The following IPP variants were observed in gnomAD, a reference collection of about 807,000 sequenced individuals.
The protein encoded by IPP is actin-binding protein IPP.
IPP carries 41 observed loss-of-function variants against 64.1 expected under a neutral mutation model. That is an observed-to-expected ratio of 0.64 (90% CI 0.50 to 0.83). IPP has a LOEUF of 0.83. IPP is among the 40% of genes least tolerant of loss of function. IPP has a pLI of 0.00. For missense variants in IPP, 649 were observed against 703.0 expected (o/e 0.92, Z 0.87); for synonymous variants, 214 against 235.2 (o/e 0.91, Z 0.83).
intron 5 of IPP, among the ~76,000 whole-genome samples, chr1:45,724,391 C>T (rs1484403252): frequency 7.4e-5 from 11 of 148,826 alleles, no homozygotes; most frequent in East Asian, 2.0e-4. Context: ...AGCCTCTGCC[C>T]GGCCGCCACC....
At chr1:45,725,505 G>T (rs1645810457) in intron 5 of IPP, among the ~76,000 whole-genome samples, 2 of 140,114 alleles carry the variant, frequency 1.4e-5, no homozygotes, top group African/African-American at 2.6e-5. Context: ...CCCCATCCGG[G>T]AGGTGAGGGG....
rs1328044700 is a variant in IPP, at chr1:45,729,779, T to C, written c.725-10A>G. On this transcript the variant is annotated splice_polypyrimidine_tract_variant and intron_variant, in intron 3 of 8. Transcript: ENST00000396478. Reference sequence around the variant, plus strand: ...TTAAAATCGGATACTCCTAAAACAATATTTAAAAAGACAATGTTTTAAACA... The same window carrying C: ...TTAAAATCGGATACTCCTAAAACAACATTTAAAAAGACAATGTTTTAAACA... 5 of 1,486,404 alleles carry C rather than the reference T, an allele frequency of 3.4e-6. No individual in the cohort carries two copies. Among genetic ancestry groups the C allele is most frequent in the Non-Finnish European group, 3.6e-6 (4 of 1,098,766 alleles). 92.1% of individuals were successfully genotyped at this position (1,486,404 alleles called of 1,614,324 possible).
At chr1:45,731,165 G>T (rs891031888) in intron 3 of IPP, among the ~76,000 whole-genome samples, 4 of 152,262 alleles carry the variant, frequency 2.6e-5, no homozygotes, top group African/African-American at 9.6e-5. Context: ...GCAAGGGCCA[G>T]CACAGTGCCT....
Position 45,742,322 on chromosome 1 carries a change from A to T in IPP, c.293-990T>A, listed in dbSNP as rs561062290. On this transcript the variant is annotated intron_variant, in intron 2 of 8. Transcript: ENST00000396478. ...TCTACATACCAAGCCCCCAAGACAC[A>T]CAATTTACCCATGGAACAAACCCGC... Among the ~76,000 whole-genome samples, 3 of 152,260 alleles carry T rather than the reference A, an allele frequency of 2.0e-5. No individual in the cohort carries two copies. In the East Asian group the frequency reaches 5.8e-4, roughly 29 times the overall value.
chr1:45,706,046 G>T (rs1645508645), intron 8 of IPP, among the ~76,000 whole-genome samples: 1 of 152,116 alleles, frequency 6.6e-6, no homozygotes, highest in South Asian at 2.1e-4. Flanking sequence ...GTCTTTGACT[G>T]AATACTACTA....
intron 5 of IPP, among the ~76,000 whole-genome samples, chr1:45,722,235 CAG>C (rs1645743038): frequency 6.6e-6 from 1 of 151,958 alleles, no homozygotes; most frequent in South Asian, 2.1e-4. Context: ...GCCTGGGTGA[CAG>C]AGTGAGACTC....
At chr1:45,723,126 T>C (rs980010799) in intron 5 of IPP, among the ~76,000 whole-genome samples, 4 of 152,174 alleles carry the variant, frequency 2.6e-5, no homozygotes, top group Admixed American at 2.6e-4. Context: ...GTGAATTATA[T>C]CTTAATTTAA....
chr1:45,711,858 C>A (rs980807364), intron 8 of IPP, among the ~76,000 whole-genome samples: 7 of 151,892 alleles, frequency 4.6e-5, no homozygotes, highest in Admixed American at 4.6e-4. Flanking sequence ...GGGTACGCAT[C>A]TAATAATGGA....
chr1:45,729,078 A>T (rs1387568447), intron 4 of IPP, among the ~76,000 whole-genome samples: 1 of 150,988 alleles, frequency 6.6e-6, no homozygotes, highest in Non-Finnish European at 1.5e-5. Context: ...CCCAGGAGGC[A>T]GAGATTGCAG....
intron 1 of IPP, among the ~76,000 whole-genome samples, chr1:45,747,114 A>ACGAGCGCGCGCATGCGCGCGCC (rs1646146247): frequency 6.7e-6 from 1 of 149,960 alleles, no homozygotes; most frequent in African/African-American, 2.4e-5. Context: ...ATGCGCGCGC[A>ACGAGCGCGCGCATGCGCGCGCC]CACGAGCGCG....
intron 2 of IPP, among the ~76,000 whole-genome samples, chr1:45,745,732 G>A (rs562426314): frequency 1.3e-4 from 20 of 151,988 alleles, no homozygotes; most frequent in African/African-American, 3.4e-4. Context: ...CAGGTGTGGT[G>A]GCATGCGCCT....
chr1:45,701,906 G>A (rs1323883025), intron 8 of IPP, among the ~76,000 whole-genome samples: 1 of 152,092 alleles, frequency 6.6e-6, no homozygotes, highest in Non-Finnish European at 1.5e-5. Context: ...ACTTAAATAA[G>A]ATTATGAAAT....
At position 45,727,589 on chromosome 1, in the gene IPP, CCAA is replaced by C; in HGVS notation, c.1048+39_1048+41del. ...AATCATAAAGCATATTAGAATATAG[CCAA>C]CAAGACTAATTAAGAAAATAAGACA... On this transcript the variant is annotated intron_variant, in intron 5 of 8. Transcript: ENST00000396478. 4 of 1,282,118 alleles carry C rather than the reference CCAA, an allele frequency of 3.1e-6. No individual in the cohort carries two copies. In the South Asian group the frequency reaches 7.6e-5, roughly 24 times the overall value. 79.4% of individuals were successfully genotyped at this position (1,282,118 alleles called of 1,614,324 possible).
intron 1 of IPP, among the ~76,000 whole-genome samples, chr1:45,746,912 T>C (rs1388844011): frequency 1.3e-5 from 2 of 152,192 alleles, no homozygotes; most frequent in Admixed American, 1.3e-4. Context: ...CCTTCGGGAT[T>C]CTTGTTATAA....
chr1:45,729,126 A>T (rs771949235), intron 4 of IPP, among the ~76,000 whole-genome samples: 24 of 148,758 alleles, frequency 1.6e-4, no homozygotes, highest in Non-Finnish European at 3.3e-4. Flanking sequence ...AGCCTGGGAG[A>T]CAGAGTAAGA....
At chr1:45,726,370 A>C (rs1277230946) in intron 5 of IPP, among the ~76,000 whole-genome samples, 1 of 152,064 alleles carries the variant, frequency 6.6e-6, no homozygotes, top group East Asian at 1.9e-4. Flanking sequence ...AGGCAGGAGA[A>C]TCGCTTGAAC....
chr1:45,746,111 G>T lies in IPP; in HGVS notation c.292+9C>A. On this transcript the variant is annotated intron_variant, in intron 2 of 8. Coordinates refer to ENST00000396478, the MANE Select transcript of IPP (RefSeq NM_005897.3). ...TCTTCAGTCAAAGCAACAGACTCAT[G>T]TAACATACCTGTGTAAATGAAATCT... 6.2e-7 allele frequency: 1 copy of T among 1,602,836 alleles called. No homozygotes were observed. Among genetic ancestry groups the T allele is most frequent in the Non-Finnish European group, 8.5e-7 (1 of 1,170,644 alleles).
chr1:45,702,841 T>G (rs1240868396), intron 8 of IPP, among the ~76,000 whole-genome samples: 1 of 152,160 alleles, frequency 6.6e-6, no homozygotes, highest in African/African-American at 2.4e-5. Flanking sequence ...GAAAGTGCCC[T>G]CAAAAAGTTC....
chr1:45,724,757 A>G (rs28575494), intron 5 of IPP, among the ~76,000 whole-genome samples: 50,048 of 145,660 alleles, frequency 0.34, 8,721 homozygotes, highest in African/African-American at 0.43. Flanking sequence ...CGCCCCGTCT[A>G]AGAAGTGAGG....
Sources: gnomAD v4.1 joint callset for allele counts (sites outside exome capture counted in the v4.1 genomes callset) on GRCh38, gnomAD v4.1.1 for gene constraint, MANE v1.5 for transcripts, NCBI Gene and HGNC (gene_info 2026-07-23, HGNC 2026-07-21) for gene names.